TRAF3IP2: variants seen among roughly 807,000 people sequenced by gnomAD.
TRAF3IP2 encodes the protein E3 ubiquitin ligase TRAF3IP2.
TRAF3IP2 carries 35 observed loss-of-function variants against 57.9 expected under a neutral mutation model. The ratio of observed to expected loss-of-function variants is 0.60; its 90% CI spans 0.46 to 0.80. The LOEUF (loss-of-function observed/expected upper bound fraction) is 0.80, where lower values mean the gene tolerates loss of function less well. Among genes scored for constraint, TRAF3IP2 ranks in the 30% least tolerant of loss-of-function variants. The pLI is 0.00. For synonymous variants in TRAF3IP2, 251 were observed against 268.9 expected (o/e 0.93, Z 0.65); for missense variants, 556 against 706.4 (o/e 0.79, Z 2.41).
chr6:111,572,543 G>A (rs369941475), intron 5 of TRAF3IP2, among the ~76,000 whole-genome samples: 2 of 152,206 alleles, frequency 1.3e-5, no homozygotes, highest in South Asian at 4.1e-4. Flanking sequence ...GGGAAACTCA[G>A]ACAAAGTGGG....
chr6:111,560,589 C>T (rs544510409), intron 8 of TRAF3IP2, among the ~76,000 whole-genome samples: 10 of 152,298 alleles, frequency 6.6e-5, no homozygotes, highest in Admixed American at 1.3e-4. Flanking sequence ...GCCTTGAGGA[C>T]TTCAAATCTT....
intron 7 of TRAF3IP2, among the ~76,000 whole-genome samples, chr6:111,563,582 G>C (rs1246227829): frequency 1.3e-5 from 2 of 152,220 alleles, no homozygotes; most frequent in Non-Finnish European, 2.9e-5. Flanking sequence ...CAGAATGGGG[G>C]CCATCCATTC....
At chr6:111,559,607 G>A (rs1055860078) in intron 8 of TRAF3IP2, 56 bp from the exon 9 acceptor site, 3 of 1,584,290 alleles carry the variant, frequency 1.9e-6, no homozygotes, top group African/African-American at 1.4e-5. Context: ...CTGGATGCCA[G>A]ATCCCAGGCT....
chr6:111,593,159 G>A (rs1269559739), intron 1 of TRAF3IP2, among the ~76,000 whole-genome samples: 1 of 152,208 alleles, frequency 6.6e-6, no homozygotes, highest in African/African-American at 2.4e-5. Flanking sequence ...TGCAGAGCAG[G>A]TGTCGTAAAA....
At chr6:111,598,665 G>A (rs1796770180) in intron 1 of TRAF3IP2, among the ~76,000 whole-genome samples, 1 of 152,194 alleles carries the variant, frequency 6.6e-6, no homozygotes, top group Admixed American at 6.5e-5. Context: ...TCTGGGAAGG[G>A]AATTGGATGG....
At position 111,591,204 on chromosome 6, in the gene TRAF3IP2, TTG is replaced by T; in HGVS notation, c.829+52_829+53del. On this transcript the variant is annotated intron_variant, in intron 2 of 8. Coordinates refer to ENST00000368761, the MANE Select transcript of TRAF3IP2 (RefSeq NM_147686.4). This position sits in a 1 kb window ranked among gnomAD's most constrained non-coding sequence, Gnocchi z 4.9. Reference sequence around the variant, plus strand: ...GACACGAAGCATTGATGTGAGGCCCTTGTTTCTTCAGTCACCCAGCCCAGAAT... The same window carrying T: ...GACACGAAGCATTGATGTGAGGCCCTTTTCTTCAGTCACCCAGCCCAGAAT... The T allele has an allele frequency of 7.2e-7, 1 of 1,383,516 alleles. No individual in the cohort carries two copies. Among genetic ancestry groups the T allele is most frequent in the South Asian group, 1.9e-5 (1 of 53,232 alleles). 85.7% of individuals were successfully genotyped at this position (1,383,516 alleles called of 1,614,324 possible). A position where few individuals can be genotyped will look rare whatever the true frequency, so the allele number is the denominator to read the frequency against.
chr6:111,601,395 G>A (rs992238263), intron 1 of TRAF3IP2: 1 of 489,740 alleles, frequency 2.0e-6, no homozygotes, highest in East Asian at 3.1e-5. Context: ...ATTGAAAACT[G>A]GTTGACAGAG....
chr6:111,567,118 G>T, intron 6 of TRAF3IP2: 1 of 943,234 alleles, frequency 1.1e-6, no homozygotes, highest in Non-Finnish European at 1.3e-6. Context: ...GGACACGCTG[G>T]CAGCAATCAA....
intron 2 of TRAF3IP2, among the ~76,000 whole-genome samples, chr6:111,590,880 G>C (rs1796489290): frequency 6.6e-6 from 1 of 152,100 alleles, no homozygotes; most frequent in South Asian, 2.1e-4. Context: ...GTCTAAGATG[G>C]GGAAGAAAGA....
chr6:111,595,315 C>T (rs372867622), intron 1 of TRAF3IP2, among the ~76,000 whole-genome samples: 1 of 152,128 alleles, frequency 6.6e-6, no homozygotes, highest in South Asian at 2.1e-4. Flanking sequence ...TGGCAAGAAA[C>T]AACTTCTAAT....
At position 111,566,641 on chromosome 6, in the gene TRAF3IP2, G is replaced by GGCCA; in HGVS notation, c.1360-85_1360-82dup. On this transcript the variant is annotated intron_variant, in intron 6 of 8. Coordinates refer to ENST00000368761, the MANE Select transcript of TRAF3IP2 (RefSeq NM_147686.4). The stretch of plus-strand genomic sequence containing the variant: ...GCATTCTCTGACACACGGGGTGGAG[G>GGCCA]GCCAGGCTCATTCTCCATAGAAAGA... The GGCCA allele has an allele frequency of 6.7e-6, 8 of 1,198,122 alleles. No individual in the cohort carries two copies. In the South Asian group the frequency reaches 9.7e-5, roughly 14 times the overall value. The allele number at this position is 1,198,122 out of a possible 1,614,324, so 74.2% of individuals were successfully genotyped here.
At chr6:111,600,357 C>T (rs898913844) in intron 1 of TRAF3IP2, 8 of 152,176 alleles carry the variant, frequency 5.3e-5, no homozygotes, top group African/African-American at 1.4e-4. Flanking sequence ...CACATCATCT[C>T]GTTTGGTCCT....
intron 8 of TRAF3IP2, 115 bp from the exon 9 acceptor site, chr6:111,559,666 A>C (rs1795363790): frequency 7.3e-6 from 9 of 1,233,242 alleles, no homozygotes; most frequent in Non-Finnish European, 1.0e-5. Context: ...TTCCTACCAA[A>C]CTATCCTGGG....
intron 2 of TRAF3IP2, among the ~76,000 whole-genome samples, chr6:111,586,235 CTT>C (rs77088771): frequency 9.6e-5 from 14 of 145,122 alleles, no homozygotes; most frequent in Admixed American, 6.9e-5. Flanking sequence ...AATCCCTCCC[CTT>C]TTTTTTTTTT....
At chr6:111,567,754 G>T in intron 5 of TRAF3IP2, 62 bp from the exon 6 acceptor site, 1 of 1,380,992 alleles carries the variant, frequency 7.2e-7, no homozygotes. Flanking sequence ...ATGCAGAGCA[G>T]AAGAAAACAC....
intron 5 of TRAF3IP2, among the ~76,000 whole-genome samples, chr6:111,568,432 A>AGTGTGTGTGTGTGTGT (rs58088162): frequency 6.8e-6 from 1 of 146,722 alleles, no homozygotes. Context: ...TATACTGCAG[A>AGTGTGTGTGTGTGTGT]GTGTGTGTGT....
rs528105537 is a variant in TRAF3IP2 at position 111,591,026 on chromosome 6, A to C, written c.829+232T>G. Among the ~76,000 whole-genome samples the C allele has an allele frequency of 9.2e-5, 14 of 152,300 alleles. No individual in the cohort carries two copies. Among genetic ancestry groups the C allele is most frequent in the African/African-American group, 3.4e-4 (14 of 41,570 alleles). Reference sequence around the variant, plus strand: ...ACAGAGGAACCCATTTTGTCCTTAAAGGTCCCTAGAGAAGGAGACTCCAAG... The same window carrying C: ...ACAGAGGAACCCATTTTGTCCTTAACGGTCCCTAGAGAAGGAGACTCCAAG... On this transcript the variant is annotated intron_variant, in intron 2 of 8. Transcript: ENST00000368761. This position sits in a 1 kb window ranked among gnomAD's most constrained non-coding sequence, Gnocchi z 4.9.
Position 111,559,261 on chromosome 6 carries a change from A to G in TRAF3IP2, c.*144T>C, listed in dbSNP as rs1795344101. The G allele has an allele frequency of 8.6e-7, 1 of 1,158,730 alleles. No homozygotes were observed. 71.8% of individuals were successfully genotyped at this position (1,158,730 alleles called of 1,614,324 possible). ...GGTCTCCGGGGAAGAGCTCTGCACA[A>G]CAGGTTTCCTGGGGGCCAGAGGGCC... On this transcript the variant is annotated 3_prime_UTR_variant, in exon 9 of 9. Transcript: ENST00000368761.
chr6:111,584,524 A>G (rs1796270686), intron 2 of TRAF3IP2, among the ~76,000 whole-genome samples: 1 of 152,022 alleles, frequency 6.6e-6, no homozygotes, highest in African/African-American at 2.4e-5. Flanking sequence ...GTTCCTAAAT[A>G]GGCTGGACAC....
Sources: gnomAD v4.1 joint callset for allele counts (sites outside exome capture counted in the v4.1 genomes callset) on GRCh38, gnomAD v4.1.1 for gene constraint, Gnocchi (gnomAD v3.1) non-coding constraint, MANE v1.5 for transcripts, NCBI Gene and HGNC (gene_info 2026-07-23, HGNC 2026-07-21) for gene names.